The following MAGI2 variants were observed in gnomAD, a reference collection of about 807,000 sequenced individuals.
MAGI2 encodes the protein membrane-associated guanylate kinase, WW and PDZ domain-containing protein 2.
Under a neutral mutation model 133.3 loss-of-function variants are expected in MAGI2, and 35 were observed. The observed-to-expected ratio is 0.26, with a 90% CI of 0.20 to 0.35. The LOEUF (loss-of-function observed/expected upper bound fraction) is 0.35, where lower values mean the gene tolerates loss of function less well. Among genes scored for constraint, MAGI2 ranks in the 10% least tolerant of loss-of-function variants. MAGI2 has a pLI of 1.00. For missense variants in MAGI2, 1,636 were observed against 1,863.4 expected (o/e 0.88, Z 2.25); for synonymous variants, 729 against 710.6 (o/e 1.03, Z -0.41).
At chr7:79,436,067 G>A (rs1338231944) in intron 1 of MAGI2, among the ~76,000 whole-genome samples, 4 of 151,926 alleles carry the variant, frequency 2.6e-5, no homozygotes, top group Admixed American at 6.6e-5. Flanking sequence ...CTATCCATAC[G>A]TGATAGAATG....
chr7:78,738,414 A>G (rs1192881669), intron 2 of MAGI2, among the ~76,000 whole-genome samples: 1 of 152,082 alleles, frequency 6.6e-6, no homozygotes, highest in Non-Finnish European at 1.5e-5. Flanking sequence ...ATTTAGGGTA[A>G]TTTATGTTAT....
intron 6 of MAGI2, among the ~76,000 whole-genome samples, chr7:78,460,809 C>A (rs1789896571): frequency 6.6e-6 from 1 of 152,148 alleles, no homozygotes; most frequent in Non-Finnish European, 1.5e-5. Flanking sequence ...TCCTGTCCAG[C>A]CTGCCACTCC....
At position 78,344,766 on chromosome 7, in the gene MAGI2, A is replaced by C. The variant is rs112661631; in HGVS notation, c.1226-806T>G. On this transcript the variant is annotated intron_variant, in intron 8 of 21. Coordinates refer to ENST00000354212, the MANE Select transcript of MAGI2 (RefSeq NM_012301.4). ...TAGATTCAAATCATATGCCCGAATA[A>C]TCTGAATAGGCACTGCATAGATTTA... is the stretch of plus-strand genomic sequence containing the variant. 6.1e-3 allele frequency among the ~76,000 whole-genome samples: 931 copies of C among 152,336 alleles called. 10 individuals carry two copies. Among genetic ancestry groups the C allele is most frequent in the African/African-American group, 0.021 (861 of 41,582 alleles).
chr7:79,098,429 C>A (rs1349062720), intron 1 of MAGI2, among the ~76,000 whole-genome samples: 1 of 152,198 alleles, frequency 6.6e-6, no homozygotes, highest in South Asian at 2.1e-4. Context: ...CACATTGACA[C>A]TACCCATAGT....
intron 2 of MAGI2, among the ~76,000 whole-genome samples, chr7:78,880,399 A>G (rs1400842234): frequency 6.6e-6 from 1 of 152,208 alleles, no homozygotes; most frequent in Admixed American, 6.5e-5. Context: ...CTGATGAGCC[A>G]GAAGAGATTG....
At chr7:79,257,243 C>T (rs940979147) in intron 1 of MAGI2, among the ~76,000 whole-genome samples, 1 of 151,974 alleles carries the variant, frequency 6.6e-6, no homozygotes, top group Admixed American at 6.6e-5. Flanking sequence ...ACATACACTT[C>T]ATAATTTGTT....
chr7:78,593,183 G>C (rs557616671), intron 3 of MAGI2, among the ~76,000 whole-genome samples: 3 of 151,634 alleles, frequency 2.0e-5, no homozygotes, highest in Non-Finnish European at 2.9e-5. Flanking sequence ...ACGAGGTCAG[G>C]AGATCGAGAC....
At chr7:79,208,060 G>C (rs1273122872) in intron 1 of MAGI2, among the ~76,000 whole-genome samples, 1 of 151,896 alleles carries the variant, frequency 6.6e-6, no homozygotes, top group East Asian at 1.9e-4. Flanking sequence ...AGATTTACAT[G>C]TAAGACCCAA....
chr7:79,257,466 T>G (rs1833772611), intron 1 of MAGI2, among the ~76,000 whole-genome samples: 1 of 152,254 alleles, frequency 6.6e-6, no homozygotes, highest in African/African-American at 2.4e-5. Flanking sequence ...TAAAAAGCAT[T>G]CACTTGTGTC....
At chr7:79,414,631 TTAAG>T (rs1422830502) in intron 1 of MAGI2, 1 of 152,136 alleles carries the variant, frequency 6.6e-6, no homozygotes, top group African/African-American at 2.4e-5. Flanking sequence ...TGCCTTATCA[TTAAG>T]TAAGTACAAA....
At chr7:79,243,952 T>A (rs951142198) in intron 1 of MAGI2, among the ~76,000 whole-genome samples, 1 of 152,200 alleles carries the variant, frequency 6.6e-6, no homozygotes, top group Non-Finnish European at 1.5e-5. Context: ...CCTGTCATAG[T>A]TCTTCAGGCT....
chr7:79,289,394 A>G (rs967591440), intron 1 of MAGI2, among the ~76,000 whole-genome samples: 2 of 152,146 alleles, frequency 1.3e-5, no homozygotes, highest in African/African-American at 4.8e-5. Flanking sequence ...TCATGTCTCA[A>G]TGCAATGGGT....
At chr7:79,382,475 T>TGGG (rs1843861707) in intron 1 of MAGI2, among the ~76,000 whole-genome samples, 1 of 151,554 alleles carries the variant, frequency 6.6e-6, no homozygotes, top group African/African-American at 2.4e-5. Context: ...GGGTTAAGCC[T>TGGG]ACAGTATCTG....
chr7:78,990,433 A>T (rs1262163349), intron 2 of MAGI2, among the ~76,000 whole-genome samples: 1 of 152,066 alleles, frequency 6.6e-6, no homozygotes, highest in Non-Finnish European at 1.5e-5. Context: ...AAACGTAGAA[A>T]TTCCACCTCT....
At chr7:79,030,331 G>A (rs1452027390) in intron 1 of MAGI2, 2 of 149,178 alleles carry the variant, frequency 1.3e-5, no homozygotes, top group Admixed American at 1.3e-4. Context: ...AATCCATGAA[G>A]CATTCCATAA....
intron 1 of MAGI2, among the ~76,000 whole-genome samples, chr7:79,186,934 T>C (rs1322263235): frequency 6.6e-6 from 1 of 151,038 alleles, no homozygotes; most frequent in East Asian, 1.9e-4. Context: ...ACTATTGCTA[T>C]TATTAAAAAG....
At chr7:78,294,756 C>T (rs1373779731) in intron 9 of MAGI2, among the ~76,000 whole-genome samples, 3 of 152,074 alleles carry the variant, frequency 2.0e-5, no homozygotes, top group Non-Finnish European at 2.9e-5. Flanking sequence ...ACGCTAAGTA[C>T]GATGATGGCC....
intron 2 of MAGI2, among the ~76,000 whole-genome samples, chr7:78,820,249 T>C (rs1789974848): frequency 6.6e-6 from 1 of 151,962 alleles, no homozygotes; most frequent in Non-Finnish European, 1.5e-5. Context: ...AGGAGATTCA[T>C]TCAAGGAACT....
chr7:78,573,211 T>C (rs1361374293), intron 3 of MAGI2, among the ~76,000 whole-genome samples: 1 of 74,774 alleles, frequency 1.3e-5, no homozygotes, highest in Admixed American at 2.0e-4. Context: ...TATAAATATA[T>C]ATATAAATAT....
Sources: allele counts gnomAD v4.1 joint callset (sites outside exome capture counted in the v4.1 genomes callset), GRCh38; gene constraint gnomAD v4.1.1; transcripts MANE v1.5; gene names NCBI Gene and HGNC (gene_info 2026-07-23, HGNC 2026-07-21).